CSMD1: variants seen among roughly 807,000 people sequenced by gnomAD.
CSMD1 encodes CUB and sushi domain-containing protein 1.
A neutral mutation model predicts 417.5 loss-of-function variants in CSMD1; 213 were observed. The observed-to-expected ratio is 0.51, with a 90% CI of 0.46 to 0.57. The LOEUF is 0.57. Among genes scored for constraint, CSMD1 ranks in the 20% least tolerant of loss-of-function variants. The pLI is 0.00. For missense variants in CSMD1, 6,923 were observed against 4,529.7 expected (o/e 1.53, Z -15.17); for synonymous variants, 2,862 against 1,736.8 (o/e 1.65, Z -16.11).
chr8:3,497,742 T>G (rs1200102464), intron 10 of CSMD1, among the ~76,000 whole-genome samples: 1 of 152,212 alleles, frequency 6.6e-6, no homozygotes, highest in Non-Finnish European at 1.5e-5. Context: ...CTTTTTAAAT[T>G]ATATTGTCAC....
chr8:3,983,191 C>A (rs533315574), intron 5 of CSMD1, among the ~76,000 whole-genome samples: 43 of 145,552 alleles, frequency 3.0e-4, no homozygotes, highest in African/African-American at 1.1e-3. Flanking sequence ...AGTGCAGTGG[C>A]GCGATCTCAG....
chr8:3,956,048 G>T (rs1460079172), intron 5 of CSMD1, among the ~76,000 whole-genome samples: 1 of 152,214 alleles, frequency 6.6e-6, no homozygotes, highest in Non-Finnish European at 1.5e-5. Context: ...ACCTGCCTCA[G>T]CTTCCCAAAG....
At chr8:4,289,239 T>C (rs1455239690) in intron 3 of CSMD1, among the ~76,000 whole-genome samples, 3 of 152,212 alleles carry the variant, frequency 2.0e-5, no homozygotes, top group African/African-American at 7.2e-5. Flanking sequence ...TCTCATATTG[T>C]TATTCAACTG....
At chr8:4,018,111 G>C (rs1423891230) in intron 4 of CSMD1, among the ~76,000 whole-genome samples, 1 of 152,158 alleles carries the variant, frequency 6.6e-6, no homozygotes, top group Non-Finnish European at 1.5e-5. Flanking sequence ...ATGGCATAAA[G>C]TATCCTACAA....
chr8:3,356,075 C>G (rs982656915), intron 21 of CSMD1, among the ~76,000 whole-genome samples: 3 of 152,180 alleles, frequency 2.0e-5, no homozygotes, highest in African/African-American at 4.8e-5. Context: ...CTCAGATGCT[C>G]ACTAGAAATT....
chr8:4,919,953 C>G (rs4276709), intron 1 of CSMD1, among the ~76,000 whole-genome samples: 2,278 of 152,264 alleles, frequency 0.015, 28 homozygotes, highest in Middle Eastern at 0.024. Context: ...CCTGCCAATG[C>G]CTTGATCTTG....
chr8:3,310,880 G>C (rs1047035872), intron 23 of CSMD1, among the ~76,000 whole-genome samples: 1 of 152,036 alleles, frequency 6.6e-6, no homozygotes, highest in Non-Finnish European at 1.5e-5. Context: ...AAAGAAATCT[G>C]GAGTTTTAAA....
chr8:4,133,266 G>T (rs150079250), intron 3 of CSMD1, among the ~76,000 whole-genome samples: 16 of 152,180 alleles, frequency 1.1e-4, no homozygotes, highest in African/African-American at 3.6e-4. Flanking sequence ...ATTAAGCAAA[G>T]ACTTCAATAA....
intron 6 of CSMD1, among the ~76,000 whole-genome samples, chr8:3,710,863 C>G (rs1475385227): frequency 6.6e-6 from 1 of 152,110 alleles, no homozygotes; most frequent in African/African-American, 2.4e-5. Context: ...AAACTCCAAA[C>G]CTTTCCACGT....
At chr8:4,764,595 C>T (rs879941297) in intron 1 of CSMD1, among the ~76,000 whole-genome samples, 1 of 151,438 alleles carries the variant, frequency 6.6e-6, no homozygotes, top group African/African-American at 2.4e-5. Context: ...CTACTGTTTT[C>T]TAAAAAAGAG....
intron 3 of CSMD1, among the ~76,000 whole-genome samples, chr8:4,351,715 T>C (rs536925499): frequency 1.3e-5 from 2 of 152,116 alleles, no homozygotes; most frequent in South Asian, 2.1e-4. Context: ...TAGCCAGACA[T>C]GGAAAAGAAA....
At chr8:3,653,868 T>A (rs989752200) in intron 7 of CSMD1, among the ~76,000 whole-genome samples, 1 of 152,206 alleles carries the variant, frequency 6.6e-6, no homozygotes, top group Non-Finnish European at 1.5e-5. Context: ...TTCCCAGAAA[T>A]GACTGTCTTA....
intron 12 of CSMD1, among the ~76,000 whole-genome samples, chr8:3,428,512 A>G (rs75797485): frequency 0.014 from 2,207 of 152,292 alleles, 51 homozygotes; most frequent in East Asian, 0.099. Context: ...ATGATGGGGA[A>G]AAAAAAGACT....
chr8:3,914,279 G>C (rs1209339875), intron 5 of CSMD1, among the ~76,000 whole-genome samples: 1 of 152,268 alleles, frequency 6.6e-6, no homozygotes, highest in South Asian at 2.1e-4. Context: ...ACTTTGGAGA[G>C]AAAGGGTCAC....
chr8:3,877,173 G>A (rs1449958761), intron 5 of CSMD1, among the ~76,000 whole-genome samples: 1 of 152,174 alleles, frequency 6.6e-6, no homozygotes, highest in South Asian at 2.1e-4. Context: ...TCCTACAGGA[G>A]AAGTGACTTT....
chr8:3,142,894 C>T (rs1033621814), intron 40 of CSMD1, among the ~76,000 whole-genome samples: 3 of 152,182 alleles, frequency 2.0e-5, no homozygotes, highest in Non-Finnish European at 2.9e-5. Context: ...ATGACACTCA[C>T]GTCCAGAAGT....
chr8:4,609,428 G>A (rs536766226), intron 2 of CSMD1, among the ~76,000 whole-genome samples: 3 of 152,136 alleles, frequency 2.0e-5, no homozygotes, highest in South Asian at 2.1e-4. Flanking sequence ...GAAAGCTGAT[G>A]ATCTAAAGCC....
chr8:3,687,428 C>G (rs916649397), intron 7 of CSMD1, among the ~76,000 whole-genome samples: 1 of 152,184 alleles, frequency 6.6e-6, no homozygotes, highest in Non-Finnish European at 1.5e-5. Flanking sequence ...AAACTTGCCT[C>G]TCAAATAAAT....
At chr8:2,992,875 C>G (rs1806520942) in intron 54 of CSMD1, among the ~76,000 whole-genome samples, 1 of 152,036 alleles carries the variant, frequency 6.6e-6, no homozygotes, top group South Asian at 2.1e-4. Flanking sequence ...GTAGGTGGAA[C>G]TACGGGCATG....
Sources: gnomAD v4.1 joint callset for allele counts (sites outside exome capture counted in the v4.1 genomes callset) on GRCh38, gnomAD v4.1.1 for gene constraint, MANE v1.5 for transcripts, NCBI Gene and HGNC (gene_info 2026-07-23, HGNC 2026-07-21) for gene names.